The following WDPCP variants were observed in gnomAD, a reference collection of about 807,000 sequenced individuals.
WDPCP encodes WD repeat containing planar cell polarity effector.
Under a neutral mutation model 93.1 loss-of-function variants are expected in WDPCP, and 71 were observed. That is an observed-to-expected ratio of 0.76 (90% confidence interval 0.63 to 0.93). WDPCP has a LOEUF of 0.93. WDPCP is among the 40% of genes least tolerant of loss of function. The probability of loss-of-function intolerance (pLI) is 0.00; values close to 1 mark genes in which losing one functional copy is unlikely to be tolerated. For missense variants in WDPCP, 844 were observed against 887.4 expected, an observed-to-expected ratio of 0.95 and a Z score of 0.62; for synonymous variants, 315 against 315.0, an observed-to-expected ratio of 1.00 and a Z score of 0.00.
In WDPCP at chr2:63,636,212, T is replaced by C. The variant is rs187859953; in HGVS notation, n.488+14447A>G. Among the ~76,000 whole-genome samples the C allele has an allele frequency of 3.9e-5, 6 of 152,292 alleles. No homozygotes were observed. The East Asian group carries it at 1.2e-3, about 29-fold the overall frequency. Reference sequence around the variant, plus strand: ...AACGTTGACGATGACATTGAAGACATAAACAAATGGAAAGATATCCCATGT... The same window carrying C: ...AACGTTGACGATGACATTGAAGACACAAACAAATGGAAAGATATCCCATGT... On this transcript the variant is annotated intron_variant and non_coding_transcript_variant, in intron 3 of 4. Transcript: ENST00000467687.
chr2:63,620,552 C>A (rs1165057200), intron 3 of WDPCP, among the ~76,000 whole-genome samples: 1 of 152,192 alleles, frequency 6.6e-6, no homozygotes, highest in Non-Finnish European at 1.5e-5. Flanking sequence ...ATTCCCATCT[C>A]CCTGGGACAG....
chr2:63,599,569 T>C, intron 3 of WDPCP: 1 of 224,736 alleles, frequency 4.4e-6, no homozygotes, highest in Non-Finnish European at 8.8e-6. Context: ...AATGTTCTCT[T>C]GTTACAGTGG....
upstream of WDPCP, among the ~76,000 whole-genome samples, chr2:63,830,492 C>A (rs1465359179): frequency 6.6e-6 from 1 of 152,060 alleles, no homozygotes; most frequent in Non-Finnish European, 1.5e-5. Context: ...AATTTTCTCT[C>A]GGAACTATAA....
At chr2:63,669,513 C>T (rs1277550619) in intron 2 of WDPCP, among the ~76,000 whole-genome samples, 1 of 151,926 alleles carries the variant, frequency 6.6e-6, no homozygotes, top group Non-Finnish European at 1.5e-5. Context: ...GTACGTGCCA[C>T]CATGCCCAGC....
intron 17 of WDPCP, among the ~76,000 whole-genome samples, chr2:63,124,684 T>C (rs1203136869): frequency 6.6e-6 from 1 of 152,166 alleles, no homozygotes. Context: ...TCTGATTTGG[T>C]TTAATAATAA....
intron 14 of WDPCP, among the ~76,000 whole-genome samples, chr2:63,252,009 CTGA>C (rs1680766990): frequency 6.6e-6 from 1 of 152,038 alleles, no homozygotes; most frequent in Admixed American, 6.6e-5. Context: ...GCCAATATGC[CTGA>C]TGAACATAAA....
intron 2 of WDPCP, among the ~76,000 whole-genome samples, chr2:63,675,116 T>C (rs957784667): frequency 5.3e-5 from 8 of 152,158 alleles, no homozygotes; most frequent in African/African-American, 1.9e-4. Context: ...CTCATCACTT[T>C]TTTTTAACCT....
intron 13 of WDPCP, among the ~76,000 whole-genome samples, chr2:63,261,599 A>T (rs995289406): frequency 5.3e-5 from 8 of 152,236 alleles, no homozygotes; most frequent in African/African-American, 1.9e-4. Context: ...CCAGCTTTCA[A>T]ATCCAATTAA....
At chr2:63,654,166 A>C (rs1710139706) in intron 2 of WDPCP, among the ~76,000 whole-genome samples, 1 of 152,232 alleles carries the variant, frequency 6.6e-6, no homozygotes, top group South Asian at 2.1e-4. Context: ...GAGATGAAAA[A>C]TAAAATATCT....
intron 14 of WDPCP, among the ~76,000 whole-genome samples, chr2:63,224,710 A>C (rs370064888): frequency 5.3e-5 from 8 of 152,132 alleles, no homozygotes; most frequent in African/African-American, 1.4e-4. Flanking sequence ...TAAAAGCATC[A>C]GTGGTTACCA....
intron 14 of WDPCP, among the ~76,000 whole-genome samples, chr2:63,224,690 A>G (rs910909856): frequency 2.6e-5 from 4 of 152,012 alleles, no homozygotes; most frequent in African/African-American, 7.2e-5. Flanking sequence ...AGACAAAACT[A>G]TAGAAACAAT....
At chr2:63,395,102 A>G (rs1693603589) in intron 10 of WDPCP, among the ~76,000 whole-genome samples, 1 of 152,228 alleles carries the variant, frequency 6.6e-6, no homozygotes, top group East Asian at 1.9e-4. Context: ...AAAAAAATAC[A>G]GAAATACATA....
chr2:63,510,400 C>G (rs1349539659), intron 1 of WDPCP, among the ~76,000 whole-genome samples: 1 of 152,156 alleles, frequency 6.6e-6, no homozygotes, highest in African/African-American at 2.4e-5. Context: ...GCTAAGAACA[C>G]TTAATAAACT....
chr2:63,306,677 C>G (rs544220135), intron 13 of WDPCP, among the ~76,000 whole-genome samples: 1 of 152,120 alleles, frequency 6.6e-6, no homozygotes, highest in African/African-American at 2.4e-5. Context: ...AAAGGCCTTC[C>G]ATAAAATTCA....
chr2:63,383,938 AT>A (rs1558551955), intron 10 of WDPCP, among the ~76,000 whole-genome samples: 1 of 152,166 alleles, frequency 6.6e-6, no homozygotes, highest in Admixed American at 6.5e-5. Context: ...TCTGAGTAAT[AT>A]AATGAAGCTA....
chr2:63,154,689 T>C (rs1672115414), intron 15 of WDPCP, among the ~76,000 whole-genome samples: 1 of 152,192 alleles, frequency 6.6e-6, no homozygotes, highest in Non-Finnish European at 1.5e-5. Context: ...GGTGAATACA[T>C]GTTTAACTTT....
chr2:63,782,408 CTA>C (rs1172776936), intron 2 of WDPCP, among the ~76,000 whole-genome samples: 1 of 152,138 alleles, frequency 6.6e-6, no homozygotes, highest in Non-Finnish European at 1.5e-5. Context: ...GATTTGCTAA[CTA>C]TGTATCCAAC....
intron 1 of WDPCP, among the ~76,000 whole-genome samples, chr2:63,564,876 C>T (rs1464921640): frequency 6.6e-6 from 1 of 151,038 alleles, no homozygotes; most frequent in Non-Finnish European, 1.5e-5. Flanking sequence ...CTCCCAGGTT[C>T]AAGCAATTCT....
intron 13 of WDPCP, among the ~76,000 whole-genome samples, chr2:63,303,871 T>G (rs1216568326): frequency 6.7e-6 from 1 of 149,218 alleles, no homozygotes; most frequent in Non-Finnish European, 1.5e-5. Context: ...AATAAACATA[T>G]GAAAAAATGC....
Sources: gnomAD v4.1 joint callset for allele counts (sites outside exome capture counted in the v4.1 genomes callset) on GRCh38, gnomAD v4.1.1 for gene constraint, MANE v1.5 for transcripts, NCBI Gene and HGNC (gene_info 2026-07-23, HGNC 2026-07-21) for gene names.